Variants in ARSG observed in about 807,000 individuals in gnomAD.
The protein encoded by ARSG is arylsulfatase G.
ARSG carries 37 observed loss-of-function variants against 50.5 expected under a neutral mutation model. That is an observed-to-expected ratio of 0.73 (90% CI 0.56 to 0.96). The LOEUF is 0.96. ARSG is among the 50% of genes least tolerant of loss of function. ARSG has a pLI of 0.00. For missense variants in ARSG, 629 were observed against 675.3 expected, an observed-to-expected ratio of 0.93 and a Z score of 0.76; for synonymous variants, 225 against 254.6, an observed-to-expected ratio of 0.88 and a Z score of 1.11.
Position 68,356,732 on chromosome 17 carries a change from A to G in ARSG, c.632A>G (p.Glu211Gly). 2 of 1,614,154 alleles carry G rather than the reference A, an allele frequency of 1.2e-6. No individual in the cohort carries two copies. The highest frequency in any genetic ancestry group is 1.7e-6 in the Non-Finnish European group (2 of 1,180,026). Residue 211 changes from glutamate to glycine, a missense_variant, in exon 6 of 12, where the codon GAG becomes GGG. By Grantham distance (98) the Glu-to-Gly change is moderately conservative (BLOSUM62 -2). Transcript: ENST00000621439. The part of the protein sequence containing the change: ...LPLYENLNIV[E>G]QPVNLSSLAQ... ...CTTTATGAAAACCTCAACATTGTGG[A>G]GCAGCCGGTGAACTTGAGCAGCCTT... is the stretch of plus-strand genomic sequence containing the variant.
At chr17:68,414,801 G>GT (rs959137039) in intron 11 of ARSG, among the ~76,000 whole-genome samples, 3 of 152,026 alleles carry the variant, frequency 2.0e-5, no homozygotes, top group Non-Finnish European at 4.4e-5. Flanking sequence ...TCTCTTCTAG[G>GT]TTTTTTAGTT....
intron 2 of ARSG, among the ~76,000 whole-genome samples, chr17:68,317,765 G>T (rs1359249571): frequency 1.3e-5 from 2 of 152,180 alleles, no homozygotes; most frequent in African/African-American, 4.8e-5. Flanking sequence ...AAATTTAAAT[G>T]AAAATGTCAG....
intron 2 of ARSG, among the ~76,000 whole-genome samples, chr17:68,321,777 T>A (rs185814158): frequency 6.6e-6 from 1 of 152,334 alleles, no homozygotes; most frequent in Non-Finnish European, 1.5e-5. Flanking sequence ...AACAGGCTGC[T>A]GTAATGTCTG....
intron 1 of ARSG, among the ~76,000 whole-genome samples, chr17:68,303,580 C>A (rs1380405045): frequency 3.3e-5 from 5 of 152,194 alleles, no homozygotes; most frequent in Admixed American, 1.3e-4. Context: ...TCCCAAGCAG[C>A]TGGGACTACA....
the ARSG span, chr17:68,436,522 G>T: frequency 6.3e-7 from 1 of 1,582,336 alleles, no homozygotes; most frequent in Non-Finnish European, 8.7e-7. Context: ...GGGGCCAAGG[G>T]AGAGATTGCA....
At position 68,419,347 on chromosome 17, in the gene ARSG, T is replaced by C. The variant is rs192441163; in HGVS notation, c.1304-842T>C. Among the ~76,000 whole-genome samples the C allele has an allele frequency of 1.2e-3, 187 of 151,904 alleles. 1 individual carries two copies. The highest frequency in any genetic ancestry group is 4.3e-3 in the African/African-American group (179 of 41,436). ...AGGCCGAAGTGGGCAGATCATGAGG[T>C]TAGGAGTTCGAGACCAGCCTGGCCA... On this transcript the variant is annotated intron_variant, in intron 11 of 11. Coordinates refer to ENST00000621439, the MANE Select transcript of ARSG (RefSeq NM_001267727.2).
At chr17:68,449,585 C>T in the ARSG span, among the ~76,000 whole-genome samples, 14 of 152,176 alleles carry the variant, frequency 9.2e-5, no homozygotes, top group African/African-American at 2.4e-4. Flanking sequence ...TGAGTTCTCA[C>T]GAGACCTGGT....
chr17:68,433,778 TTTTTTTTTTTTTTTTTTTTTG>T, the ARSG span, among the ~76,000 whole-genome samples: 1 of 65,752 alleles, frequency 1.5e-5, no homozygotes, highest in African/African-American at 4.7e-5. Flanking sequence ...TTTTTTTTTT[TTTTTTTTTTTTTTTTTTTTTG>T]AGACAGAGTC....
At chr17:68,366,876 T>C (rs1308746842) in intron 6 of ARSG, among the ~76,000 whole-genome samples, 1 of 152,228 alleles carries the variant, frequency 6.6e-6, no homozygotes. Flanking sequence ...ACTGTACCCA[T>C]GAAACATAAA....
At chr17:68,299,573 T>A (rs1306839967) in intron 1 of ARSG, among the ~76,000 whole-genome samples, 1 of 151,522 alleles carries the variant, frequency 6.6e-6, no homozygotes, top group East Asian at 1.9e-4. Flanking sequence ...AACATTTCAA[T>A]AGAGGATACA....
chr17:68,276,556 C>A (rs1484248004), intron 1 of ARSG, among the ~76,000 whole-genome samples: 4 of 152,258 alleles, frequency 2.6e-5, no homozygotes, highest in African/African-American at 9.6e-5. Flanking sequence ...TCAAGCAATT[C>A]TCGCTCTGCA....
intron 8 of ARSG, among the ~76,000 whole-genome samples, chr17:68,380,852 G>T (rs2080398907): frequency 6.6e-6 from 1 of 152,008 alleles, no homozygotes; most frequent in Non-Finnish European, 1.5e-5. Flanking sequence ...ACTGAGGGAG[G>T]TTATGAATTC....
At chr17:68,396,418 T>C (rs1309940344) in intron 10 of ARSG, among the ~76,000 whole-genome samples, 2 of 152,276 alleles carry the variant, frequency 1.3e-5, no homozygotes, top group East Asian at 3.9e-4. Flanking sequence ...GAAGCACTCA[T>C]TGGCAGTGAC....
rs144191440 is a variant in ARSG at position 68,342,956 on chromosome 17, A to G, written c.219-648A>G. On this transcript the variant is annotated intron_variant, in intron 2 of 11. Coordinates refer to ENST00000621439, the MANE Select transcript of ARSG (RefSeq NM_001267727.2). ...CTATATCCGCAAATGACCCTAAATC[A>G]CCTCAAGTATTGATTTTGGGATTAA... Among the ~76,000 whole-genome samples, 4 of 152,272 alleles carry G rather than the reference A, an allele frequency of 2.6e-5. No individual in the cohort carries two copies. In the East Asian group the frequency reaches 7.7e-4, roughly 29 times the overall value.
At chr17:68,350,758 CTGGG>C (rs1248685644) in intron 4 of ARSG, among the ~76,000 whole-genome samples, 31 of 152,046 alleles carry the variant, frequency 2.0e-4, no homozygotes, top group East Asian at 1.9e-3. Flanking sequence ...GCACTCCAGC[CTGGG>C]TGACAGAGCG....
upstream of ARSG, chr17:68,291,053 C>T (rs1291981283): frequency 6.6e-6 from 1 of 152,234 alleles, no homozygotes; most frequent in East Asian, 1.9e-4. Context: ...CACAATCAAA[C>T]TTTTAAACAT....
At chr17:68,449,724 C>T in the ARSG span, among the ~76,000 whole-genome samples, 1 of 152,218 alleles carries the variant, frequency 6.6e-6, no homozygotes, top group Non-Finnish European at 1.5e-5. Context: ...CAGATGCTGC[C>T]GTGCTTCCTG....
intron 2 of ARSG, among the ~76,000 whole-genome samples, chr17:68,321,510 T>C (rs1325934265): frequency 6.6e-6 from 1 of 152,246 alleles, no homozygotes; most frequent in Non-Finnish European, 1.5e-5. Context: ...TTCACGTCCA[T>C]GCCTTTAAAT....
chr17:68,370,316 T>G, intron 7 of ARSG, 128 bp from the exon 8 acceptor site: 2 of 733,520 alleles, frequency 2.7e-6, no homozygotes, highest in Non-Finnish European at 4.5e-6. Context: ...ACTAGGCCCA[T>G]GTTTGTCTTT....
Sources: gnomAD v4.1 joint callset for allele counts (sites outside exome capture counted in the v4.1 genomes callset) on GRCh38, gnomAD v4.1.1 for gene constraint, MANE v1.5 for transcripts, NCBI Gene and HGNC (gene_info 2026-07-23, HGNC 2026-07-21) for gene names.